Variants in ZFHX3 observed in about 807,000 individuals in gnomAD.
The protein encoded by ZFHX3 is zinc finger homeobox 3, also known as zinc finger homeobox protein 3.
Under a neutral mutation model 279.1 loss-of-function variants are expected in ZFHX3, and 42 were observed. That is an observed-to-expected ratio of 0.15 (90% CI 0.12 to 0.19). The LOEUF is 0.19. Ranked by LOEUF, ZFHX3 falls within the 10% of genes least tolerant of loss-of-function variation. ZFHX3 has a pLI of 1.00. For synonymous variants in ZFHX3, 2,293 were observed against 1,957.8 expected, an observed-to-expected ratio of 1.17 and a Z score of -4.52; for missense variants, 4,981 against 4,754.0, an observed-to-expected ratio of 1.05 and a Z score of -1.40.
chr16:73,214,536 G>C (rs2012131176), intron 5 of ZFHX3, among the ~76,000 whole-genome samples: 1 of 152,160 alleles, frequency 6.6e-6, no homozygotes, highest in Non-Finnish European at 1.5e-5. Flanking sequence ...GATGCTCTCT[G>C]AGTCTATCCC....
chr16:72,943,379 C>T lies in ZFHX3; in HGVS notation c.3216+7090G>A, dbSNP rs531682741. Among the ~76,000 whole-genome samples, 3 of 152,138 alleles carry T rather than the reference C, an allele frequency of 2.0e-5. No individual in the cohort carries two copies. The South Asian group carries it at 6.2e-4, about 32-fold the overall frequency. On this transcript the variant is annotated intron_variant, in intron 3 of 9. Transcript: ENST00000268489. ...CAAAACCCCATCTCTACTAAAAGTACAAAAATTAGCGGGTGTGGTAGTGGG... is the reference window on the plus strand; with the variant it reads ...CAAAACCCCATCTCTACTAAAAGTATAAAAATTAGCGGGTGTGGTAGTGGG...
intron 3 of ZFHX3, among the ~76,000 whole-genome samples, chr16:72,899,953 A>G (rs2038990841): frequency 6.6e-6 from 1 of 152,132 alleles, no homozygotes; most frequent in African/African-American, 2.4e-5. Context: ...ACTCCTCCCC[A>G]GGCTCCAAAA....
chr16:73,478,727 CT>C (rs954366320), intron 2 of ZFHX3, among the ~76,000 whole-genome samples: 2 of 152,072 alleles, frequency 1.3e-5, no homozygotes, highest in African/African-American at 4.8e-5. Flanking sequence ...CAAATCCCAT[CT>C]GATTAAGGTC....
chr16:73,217,972 T>A (rs1440793053), intron 5 of ZFHX3, among the ~76,000 whole-genome samples: 1 of 152,296 alleles, frequency 6.6e-6, no homozygotes, highest in East Asian at 1.9e-4. Flanking sequence ...GGGATTGATA[T>A]GGTCCATAAG....
intron 3 of ZFHX3, among the ~76,000 whole-genome samples, chr16:72,908,667 C>A (rs1209995189): frequency 6.6e-6 from 1 of 152,168 alleles, no homozygotes; most frequent in African/African-American, 2.4e-5. Context: ...ATGACTCATG[C>A]GATGACACAA....
chr16:73,193,910 G>T (rs1187166797), intron 5 of ZFHX3, among the ~76,000 whole-genome samples: 2 of 152,214 alleles, frequency 1.3e-5, no homozygotes, highest in Admixed American at 1.3e-4. Context: ...CACTCAAGAT[G>T]TAGTGACAGT....
At chr16:73,143,394 AGTAGGGTGG>A in intron 6 of ZFHX3, among the ~76,000 whole-genome samples, 1 of 152,210 alleles carries the variant, frequency 6.6e-6, no homozygotes, top group Middle Eastern at 3.4e-3. Context: ...GCAGAGACAT[AGTAGGGTGG>A]GTGAAATTGC....
At chr16:73,457,339 A>T (rs1241002287) in intron 2 of ZFHX3, among the ~76,000 whole-genome samples, 1 of 152,180 alleles carries the variant, frequency 6.6e-6, no homozygotes, top group Non-Finnish European at 1.5e-5. Context: ...AGTTTCCCCC[A>T]TCGGTGGCAG....
At chr16:73,528,411 A>G (rs561314702) in intron 2 of ZFHX3, among the ~76,000 whole-genome samples, 2 of 152,354 alleles carry the variant, frequency 1.3e-5, no homozygotes, top group East Asian at 3.9e-4. Flanking sequence ...CCTTCTATCT[A>G]TGCTTTCAAC....
At chr16:72,809,754 A>G (rs1378022602) in intron 7 of ZFHX3, 7 of 152,042 alleles carry the variant, frequency 4.6e-5, no homozygotes, top group Admixed American at 4.6e-4. Context: ...TGAACAGACT[A>G]CCTCTCTGGG....
In ZFHX3 at chr16:72,785,512, T is replaced by TTTA. The variant is rs2035329464; in HGVS notation, c.*1649_*1651dup. On this transcript the variant is annotated 3_prime_UTR_variant, in exon 10 of 10. Transcript: ENST00000268489. ...GGGAATCTTTTGTTTTTCTCTTTCT[T>TTTA]TTATTAAACTAAGTCTTGTTTGTTT... 1 of 152,654 alleles carries TTTA rather than the reference T, an allele frequency of 6.6e-6. No homozygotes were observed. The highest frequency in any genetic ancestry group is 1.5e-5 in the Non-Finnish European group (1 of 68,046). 9.5% of individuals were successfully genotyped at this position (152,654 alleles called of 1,614,324 possible).
chr16:73,886,447 C>G (rs540642825), intron 1 of ZFHX3, among the ~76,000 whole-genome samples: 1 of 152,174 alleles, frequency 6.6e-6, no homozygotes, highest in South Asian at 2.1e-4. Flanking sequence ...TTTCTGCTGC[C>G]TAAGACAGAC....
intron 3 of ZFHX3, among the ~76,000 whole-genome samples, chr16:73,441,683 T>A (rs184065060): frequency 3.0e-3 from 460 of 152,238 alleles, no homozygotes; most frequent in South Asian, 6.0e-3. Context: ...CCAACCACCC[T>A]GAGCTGGGAG....
intron 1 of ZFHX3, among the ~76,000 whole-genome samples, chr16:73,741,162 G>A (rs552204791): frequency 1.3e-5 from 2 of 151,516 alleles, no homozygotes; most frequent in South Asian, 2.1e-4. Context: ...TCCTGAGTAG[G>A]TGGGATTACA....
At chr16:73,742,367 A>ATT (rs58469656) in intron 1 of ZFHX3, among the ~76,000 whole-genome samples, 124 of 152,306 alleles carry the variant, frequency 8.1e-4, no homozygotes, top group African/African-American at 2.8e-3. Flanking sequence ...GGGTATTAAT[A>ATT]GATTGGCTAT....
chr16:72,920,799 G>A (rs1393747259), intron 3 of ZFHX3, among the ~76,000 whole-genome samples: 1 of 152,030 alleles, frequency 6.6e-6, no homozygotes, highest in East Asian at 1.9e-4. Flanking sequence ...GCTGGGCAAG[G>A]TGGCTCATGC....
intron 1 of ZFHX3, among the ~76,000 whole-genome samples, chr16:73,868,557 T>C (rs1291763018): frequency 6.6e-6 from 1 of 152,174 alleles, no homozygotes; most frequent in Non-Finnish European, 1.5e-5. Flanking sequence ...AATGTAACAG[T>C]TGCTGAGTGG....
intron 5 of ZFHX3, among the ~76,000 whole-genome samples, chr16:73,236,928 G>T (rs1008193424): frequency 6.6e-6 from 1 of 152,176 alleles, no homozygotes; most frequent in Admixed American, 6.5e-5. Flanking sequence ...TTCAGCAAAT[G>T]GTGAAGACAG....
intron 5 of ZFHX3, among the ~76,000 whole-genome samples, chr16:73,145,014 C>T (rs574811708): frequency 2.0e-4 from 31 of 152,312 alleles, no homozygotes; most frequent in Admixed American, 1.4e-3. Flanking sequence ...TATTTTGACA[C>T]GTCTTTTCCA....
Sources: allele counts gnomAD v4.1 joint callset (sites outside exome capture counted in the v4.1 genomes callset), GRCh38; gene constraint gnomAD v4.1.1; transcripts MANE v1.5; gene names NCBI Gene and HGNC (gene_info 2026-07-23, HGNC 2026-07-21).